Variants in UGT1A10 observed in about 807,000 individuals in gnomAD.
UGT1A10 encodes UDP-glucuronosyltransferase 1A10.
In UGT1A10, 49 loss-of-function variants were observed where a neutral mutation model predicts 45.8. The observed-to-expected ratio is 1.07, with a 90% confidence interval of 0.85 to 1.36. UGT1A10 has a LOEUF of 1.36. UGT1A10 is among the 40% of genes most tolerant of loss of function. The pLI, the probability that UGT1A10 is intolerant of heterozygous loss-of-function variation, is 0.00. For missense variants in UGT1A10, 745 were observed against 668.6 expected, an observed-to-expected ratio of 1.11 and a Z score of -1.26; for synonymous variants, 284 against 249.7, an observed-to-expected ratio of 1.14 and a Z score of -1.29.
intron 1 of UGT1A10, among the ~76,000 whole-genome samples, chr2:233,766,036 G>T (rs1393520685): frequency 6.6e-6 from 1 of 152,138 alleles, no homozygotes; most frequent in Non-Finnish European, 1.5e-5. Context: ...GCCCTCTATA[G>T]TCAGCTTGTG....
In UGT1A10 at chr2:233,769,703, A is replaced by G. The variant is rs1416273085; in HGVS notation, c.1295+1264A>G. 46 of 1,521,058 alleles carry G rather than the reference A, an allele frequency of 3.0e-5. No individual in the cohort carries two copies. Among genetic ancestry groups the G allele is most frequent in the Non-Finnish European group, 3.6e-5 (41 of 1,133,112 alleles). 94.2% of individuals were successfully genotyped at this position (1,521,058 alleles called of 1,614,324 possible). A position where few individuals can be genotyped will look rare whatever the true frequency, so the allele number is the denominator to read the frequency against. ...TGTGGTGGCACTGGATAAAAGATCA[A>G]TGTTGGCTAGGCACCATGGCACACG... On this transcript the variant is annotated intron_variant, in intron 4 of 4. Coordinates refer to ENST00000344644, the MANE Select transcript of UGT1A10 (RefSeq NM_019075.4). The surrounding 1 kb of genome is among the most constrained non-coding windows in gnomAD (Gnocchi z 4.4).
intron 1 of UGT1A10, among the ~76,000 whole-genome samples, chr2:233,652,879 G>C (rs2073772839): frequency 6.6e-6 from 1 of 152,250 alleles, no homozygotes; most frequent in Non-Finnish European, 1.5e-5. Context: ...ATTTGGGGAA[G>C]TATTTATGAC....
At position 233,718,924 on chromosome 2, in the gene UGT1A10, C is replaced by T. The variant is rs1174289899; in HGVS notation, c.856-48110C>T. The stretch of plus-strand genomic sequence containing the variant: ...GAGAGTGGAAAGGTGTTGGTGGTGC[C>T]CACTGATGGCAGCCCCTGGCTCAGC... On this transcript the variant is annotated intron_variant, in intron 1 of 4. Transcript: ENST00000344644. 2.5e-6 allele frequency: 4 copies of T among 1,613,938 alleles called. No homozygotes were observed. The Admixed American group carries it at 5.0e-5, about 20-fold the overall frequency.
chr2:233,729,041 C>T (rs1448371491), intron 1 of UGT1A10: 32 of 1,605,278 alleles, frequency 2.0e-5, no homozygotes, highest in Non-Finnish European at 2.7e-5. Flanking sequence ...CTAAGTGGCT[C>T]AGTGACAAGG....
In UGT1A10 at chr2:233,769,262, G is replaced by C. The variant is rs1197405588; in HGVS notation, c.1295+823G>C. On this transcript the variant is annotated intron_variant, in intron 4 of 4. Transcript: ENST00000344644. This position sits in a 1 kb window ranked among gnomAD's most constrained non-coding sequence, Gnocchi z 4.4. The stretch of plus-strand genomic sequence containing the variant: ...TTTGCTCAAATGTGGCCCTGAAAAC[G>C]ATTCAAAGGGCAAATGATTTCTGGA... Among the ~76,000 whole-genome samples the C allele has an allele frequency of 6.6e-6, 1 of 152,184 alleles. No homozygotes were observed. Among genetic ancestry groups the C allele is most frequent in the Non-Finnish European group, 1.5e-5 (1 of 68,036 alleles).
At chr2:233,660,463 A>T (rs1009044838) in intron 1 of UGT1A10, among the ~76,000 whole-genome samples, 1 of 152,200 alleles carries the variant, frequency 6.6e-6, no homozygotes, top group African/African-American at 2.4e-5. Flanking sequence ...CTTTAGTGGC[A>T]AGGTATTTCT....
Position 233,637,160 on chromosome 2 carries a change from A to C in UGT1A10, c.638A>C (p.His213Pro), listed in dbSNP as rs767149518. 2 of 1,613,974 alleles carry C rather than the reference A, an allele frequency of 1.2e-6. No homozygotes were observed. Among genetic ancestry groups the C allele is most frequent in the Admixed American group, 1.7e-5 (1 of 60,016 alleles). ...GAGAGAGTATGGAACCACATCGTGC[A>C]CTTGGAGGACCATTTATTTTGCCAG... ...FKERVWNHIVHLEDHLFCQYL... is the reference protein window; with the variant it reads ...FKERVWNHIVPLEDHLFCQYL... The change falls in exon 1 of 5, where the codon CAC (histidine) becomes CCC (proline). Residue 213 changes from histidine (H) to proline (P), a missense_variant. His to Pro is a moderately conservative substitution (Grantham distance 77). Coordinates refer to ENST00000344644, the MANE Select transcript of UGT1A10 (RefSeq NM_019075.4).
intron 1 of UGT1A10, among the ~76,000 whole-genome samples, chr2:233,724,415 C>G (rs1413397133): frequency 7.9e-6 from 1 of 126,926 alleles, no homozygotes; most frequent in East Asian, 2.6e-4. Context: ...GGGTGGCTGC[C>G]GGGCGGAGAG....
At chr2:233,709,273 G>A (rs538437236) in intron 1 of UGT1A10, among the ~76,000 whole-genome samples, 1 of 152,244 alleles carries the variant, frequency 6.6e-6, no homozygotes, top group African/African-American at 2.4e-5. Flanking sequence ...TCCACGCTGT[G>A]AATTACCCTT....
Position 233,729,933 on chromosome 2 carries a change from C to T in UGT1A10, c.856-37101C>T, listed in dbSNP as rs759524268. The T allele has an allele frequency of 1.9e-5, 31 of 1,614,088 alleles. No homozygotes were observed. The African/African-American group carries it at 3.9e-4, about 20-fold the overall frequency. Reference sequence around the variant, plus strand: ...TTGTGATGGACTACCCCAGGCCAATCATGCCCAACATGGTCTTCATTGGGG... The same window carrying T: ...TTGTGATGGACTACCCCAGGCCAATTATGCCCAACATGGTCTTCATTGGGG... On this transcript the variant is annotated intron_variant, in intron 1 of 4. Transcript: ENST00000344644.
Position 233,666,188 on chromosome 2 carries a change from A to C in UGT1A10, c.855+28811A>C, listed in dbSNP as rs2074072370. On this transcript the variant is annotated intron_variant, in intron 1 of 4. Transcript: ENST00000344644. ...GCAGGTGCCAGGCTTTTTTTTAATA[A>C]TCAGTTCTTGCTGAAACTAATAGAT... Among the ~76,000 whole-genome samples, 4 of 152,150 alleles carry C rather than the reference A, an allele frequency of 2.6e-5. No individual in the cohort carries two copies. In the South Asian group the frequency reaches 8.3e-4, roughly 32 times the overall value.
At chr2:233,640,938 A>C (rs572181643) in intron 1 of UGT1A10, among the ~76,000 whole-genome samples, 1 of 152,292 alleles carries the variant, frequency 6.6e-6, no homozygotes, top group African/African-American at 2.4e-5. Flanking sequence ...GATGAACTAT[A>C]AGTCTCCCTT....
In UGT1A10 at chr2:233,772,954, T is replaced by C; in HGVS notation, c.*395T>C. 6.3e-6 allele frequency: 2 copies of C among 319,870 alleles called. No individual in the cohort carries two copies. Among genetic ancestry groups the C allele is most frequent in the Non-Finnish European group, 1.2e-5 (2 of 168,958 alleles). 19.8% of individuals were successfully genotyped at this position (319,870 alleles called of 1,614,324 possible). ...CTTATCTTTTGGCTTCTGCAGATGG[T>C]TGCAATTGATCCTTAACCAATAATG... On this transcript the variant is annotated 3_prime_UTR_variant, in exon 5 of 5. Transcript: ENST00000344644.
intron 1 of UGT1A10, among the ~76,000 whole-genome samples, chr2:233,757,562 G>GTATATATATATATATATATATACATA (rs1491042837): frequency 1.1e-5 from 1 of 90,870 alleles, no homozygotes; most frequent in Non-Finnish European, 2.1e-5. Flanking sequence ...ATATATATAT[G>GTATATATATATATATATATATACATA]TATATATGAT....
intron 1 of UGT1A10, chr2:233,743,554 A>G: frequency 7.3e-7 from 1 of 1,367,106 alleles, no homozygotes; most frequent in East Asian, 4.6e-5. Flanking sequence ...CCCCCAAAAT[A>G]TTCTCCAGCG....
intron 1 of UGT1A10, among the ~76,000 whole-genome samples, chr2:233,748,966 G>A (rs1694075594): frequency 6.6e-6 from 1 of 151,630 alleles, no homozygotes; most frequent in Non-Finnish European, 1.5e-5. Flanking sequence ...AGTTTCTATA[G>A]TGGGATCTAC....
rs367754114 is a variant in UGT1A10 at position 233,752,975 on chromosome 2, T to G, written c.856-14059T>G. On this transcript the variant is annotated intron_variant, in intron 1 of 4. Coordinates refer to ENST00000344644, the MANE Select transcript of UGT1A10 (RefSeq NM_019075.4). ...AATGGGATTTATGTAACCAATTGTG[T>G]AGATACAAACCCACTCATTCTATCC... Among the ~76,000 whole-genome samples, 45 of 152,332 alleles carry G rather than the reference T, an allele frequency of 3.0e-4. 2 individuals carry two copies. In the East Asian group the frequency reaches 7.1e-3, roughly 24 times the overall value.
chr2:233,663,521 G>A (rs1023606993), intron 1 of UGT1A10, among the ~76,000 whole-genome samples: 3 of 152,228 alleles, frequency 2.0e-5, no homozygotes, highest in African/African-American at 7.2e-5. Context: ...TCTGCAAAAT[G>A]TCTCAAGCAC....
At chr2:233,727,757 G>T (rs561921755) in intron 1 of UGT1A10, among the ~76,000 whole-genome samples, 3 of 152,264 alleles carry the variant, frequency 2.0e-5, no homozygotes. Flanking sequence ...TGCTGCCCTT[G>T]AGCTGGGTGT....
Sources: gnomAD v4.1 joint callset for allele counts (sites outside exome capture counted in the v4.1 genomes callset) on GRCh38, gnomAD v4.1.1 for gene constraint, Gnocchi (gnomAD v3.1) non-coding constraint, MANE v1.5 for transcripts, NCBI Gene and HGNC (gene_info 2026-07-23, HGNC 2026-07-21) for gene names.